The following TIMP2 variants were observed in gnomAD, a reference collection of about 807,000 sequenced individuals.
The protein encoded by TIMP2 is metalloproteinase inhibitor 2.
A neutral mutation model predicts 24.3 loss-of-function variants in TIMP2; 5 were observed. The observed-to-expected ratio is 0.21, with a 90% CI of 0.11 to 0.43. The LOEUF is 0.43. Ranked by LOEUF, TIMP2 falls within the 20% of genes least tolerant of loss-of-function variation. TIMP2 has a pLI of 1.00. For synonymous variants in TIMP2, 130 were observed against 123.2 expected (o/e 1.06, Z -0.37); for missense variants, 221 against 297.5 (o/e 0.74, Z 1.89).
rs1247107863 is a variant in TIMP2 at position 78,920,245 on chromosome 17, T to C, written c.130+4714A>G. 6.6e-6 allele frequency among the ~76,000 whole-genome samples: 1 copy of C among 152,128 alleles called. No homozygotes were observed. Among genetic ancestry groups the C allele is most frequent in the Non-Finnish European group, 1.5e-5 (1 of 68,010 alleles). On this transcript the variant is annotated intron_variant, in intron 1 of 4. Coordinates refer to ENST00000262768, the MANE Select transcript of TIMP2 (RefSeq NM_003255.5). This position sits in a 1 kb window ranked among gnomAD's most constrained non-coding sequence, Gnocchi z 4.5. ...GTCTGAACCTCTCAGCCCACACCAG[T>C]GGCATCTACCTAGCAACCTGGCTGC... is the stretch of plus-strand genomic sequence containing the variant.
chr17:78,906,544 G>A (rs2070160150), intron 1 of TIMP2, among the ~76,000 whole-genome samples: 1 of 151,996 alleles, frequency 6.6e-6, no homozygotes. Flanking sequence ...GAAGATTGGG[G>A]TTGGCTGTGG....
At chr17:78,886,142 G>T (rs1452845271) in intron 1 of TIMP2, among the ~76,000 whole-genome samples, 2 of 152,166 alleles carry the variant, frequency 1.3e-5, no homozygotes, top group African/African-American at 4.8e-5. Flanking sequence ...CCTGCTGCCA[G>T]GGGACAGTGC....
At position 78,918,072 on chromosome 17, in the gene TIMP2, A is replaced by ACGCG. The variant is rs756219381; in HGVS notation, c.130+6886_130+6887insCGCG. ...CGTACGCGTGCACACACAAACACAC[A>ACGCG]CACACACACACACACACACACACAC... On this transcript the variant is annotated intron_variant, in intron 1 of 4. Coordinates refer to ENST00000262768, the MANE Select transcript of TIMP2 (RefSeq NM_003255.5). 6.2e-3 allele frequency among the ~76,000 whole-genome samples: 656 copies of ACGCG among 106,152 alleles called. 4 individuals carry two copies. Among genetic ancestry groups the ACGCG allele is most frequent in the African/African-American group, 9.2e-3 (260 of 28,258 alleles). 69.6% of individuals were successfully genotyped at this position (106,152 alleles called of 152,430 possible). A position where few individuals can be genotyped will look rare whatever the true frequency, so the allele number is the denominator to read the frequency against.
At chr17:78,876,111 T>C (rs2069725722) in intron 1 of TIMP2, among the ~76,000 whole-genome samples, 1 of 152,020 alleles carries the variant, frequency 6.6e-6, no homozygotes, top group Non-Finnish European at 1.5e-5. Context: ...CTAACCATCC[T>C]CTCATCCACC....
chr17:78,889,938 T>G (rs921753878), intron 1 of TIMP2, among the ~76,000 whole-genome samples: 6 of 151,968 alleles, frequency 3.9e-5, no homozygotes, highest in African/African-American at 1.4e-4. Context: ...GCCAACATGG[T>G]GAAACCCTGT....
At chr17:78,863,247 A>AT (rs1441157609) in intron 3 of TIMP2, among the ~76,000 whole-genome samples, 3 of 151,618 alleles carry the variant, frequency 2.0e-5, no homozygotes, top group Middle Eastern at 3.4e-3. Context: ...TTTTTTATTT[A>AT]TTTTTTTTGG....
intron 1 of TIMP2, among the ~76,000 whole-genome samples, chr17:78,887,027 T>A (rs2069830894): frequency 6.6e-6 from 1 of 152,136 alleles, no homozygotes; most frequent in Non-Finnish European, 1.5e-5. Flanking sequence ...CAGCCTCGAA[T>A]TTCCTCTACT....
At chr17:78,918,388 C>G (rs767974098) in intron 1 of TIMP2, among the ~76,000 whole-genome samples, 1 of 152,130 alleles carries the variant, frequency 6.6e-6, no homozygotes, top group African/African-American at 2.4e-5. Flanking sequence ...ACAGCCACGT[C>G]CCAGCAAATG....
Position 78,855,997 on chromosome 17 carries a change from AC to A in TIMP2, c.466-134del, listed in dbSNP as rs2069522482. The A allele has an allele frequency of 1.1e-6, 1 of 914,632 alleles. No individual in the cohort carries two copies. Among genetic ancestry groups the A allele is most frequent in the Non-Finnish European group, 1.7e-6 (1 of 590,230 alleles). 56.7% of individuals were successfully genotyped at this position (914,632 alleles called of 1,614,324 possible). A position where few individuals can be genotyped will look rare whatever the true frequency, so the allele number is the denominator to read the frequency against. On this transcript the variant is annotated intron_variant, in intron 4 of 4. Transcript: ENST00000262768. This position sits in a 1 kb window ranked among gnomAD's most constrained non-coding sequence, Gnocchi z 6.0. ...TGCAGGGATGGCAGCCTCTCCCGAG[AC>A]CCACGGTTCCTGCAGGGGCAGGCAG...
At chr17:78,875,739 C>T (rs560093555) in intron 1 of TIMP2, among the ~76,000 whole-genome samples, 24 of 152,246 alleles carry the variant, frequency 1.6e-4, no homozygotes, top group South Asian at 6.2e-4. Context: ...CCCCACCCCA[C>T]GTGGTCGGCT....
intron 1 of TIMP2, among the ~76,000 whole-genome samples, chr17:78,917,008 C>A (rs964271068): frequency 6.6e-6 from 1 of 152,206 alleles, no homozygotes; most frequent in Non-Finnish European, 1.5e-5. Context: ...CGCATTCCTG[C>A]GCTCACTTCC....
At chr17:78,895,591 A>G (rs1415673531) in intron 1 of TIMP2, among the ~76,000 whole-genome samples, 5 of 152,174 alleles carry the variant, frequency 3.3e-5, no homozygotes, top group East Asian at 1.9e-4. Context: ...TAAAAAGGGA[A>G]ACACAGACTT....
At position 78,867,506 on chromosome 17, in the gene TIMP2, C is replaced by T. The variant is rs926327600; in HGVS notation, c.340+3392G>A. 2.0e-5 allele frequency among the ~76,000 whole-genome samples: 3 copies of T among 152,060 alleles called. No homozygotes were observed. In the East Asian group the frequency reaches 5.8e-4, roughly 29 times the overall value. ...TTCCTCCCTGCAATGACCTCCTCCC[C>T]ATCCATAGGCAAGGACACCACCTTC... On this transcript the variant is annotated intron_variant, in intron 3 of 4. Coordinates refer to ENST00000262768, the MANE Select transcript of TIMP2 (RefSeq NM_003255.5).
In TIMP2 at chr17:78,920,372, A is replaced by G. The variant is rs1332027342; in HGVS notation, c.130+4587T>C. On this transcript the variant is annotated intron_variant, in intron 1 of 4. Coordinates refer to ENST00000262768, the MANE Select transcript of TIMP2 (RefSeq NM_003255.5). The surrounding 1 kb of genome is among the most constrained non-coding windows in gnomAD (Gnocchi z 4.5). ...TCTGCACCCCCAGAAGGGTGCAAATAGGGGAGGCCCGAGAGGCTCTGAGGC... is the reference window on the plus strand; with the variant it reads ...TCTGCACCCCCAGAAGGGTGCAAATGGGGGAGGCCCGAGAGGCTCTGAGGC... Among the ~76,000 whole-genome samples the G allele has an allele frequency of 6.6e-6, 1 of 152,182 alleles. No individual in the cohort carries two copies. Among genetic ancestry groups the G allele is most frequent in the Non-Finnish European group, 1.5e-5 (1 of 68,030 alleles).
chr17:78,887,964 C>T (rs963944116), intron 1 of TIMP2, among the ~76,000 whole-genome samples: 3 of 151,956 alleles, frequency 2.0e-5, no homozygotes, highest in African/African-American at 7.3e-5. Flanking sequence ...GAGTAAGAGG[C>T]GTTTGTGTGA....
chr17:78,870,581 C>T (rs1013689676), intron 3 of TIMP2, among the ~76,000 whole-genome samples: 8 of 152,108 alleles, frequency 5.3e-5, no homozygotes, highest in Non-Finnish European at 7.4e-5. Flanking sequence ...GCTTTTGGCC[C>T]TCCCGACGGC....
intron 1 of TIMP2, chr17:78,890,651 T>C (rs2069873304): frequency 1.3e-6 from 2 of 1,550,118 alleles, no homozygotes; most frequent in African/African-American, 1.4e-5. Context: ...GCATATGTTC[T>C]GAAACTCCCG....
rs538203706 is a variant in TIMP2, at chr17:78,877,189, C to T, written c.131-3270G>A. ...CTCCCTGCCTAATCTATATACCTTA[C>T]GACAATGCTGCACCAAAAATGTTTA... On this transcript the variant is annotated intron_variant, in intron 1 of 4. Transcript: ENST00000262768. Among the ~76,000 whole-genome samples the T allele has an allele frequency of 1.2e-4, 19 of 152,330 alleles. No individual in the cohort carries two copies. In the South Asian group the frequency reaches 3.1e-3, roughly 25 times the overall value.
intron 3 of TIMP2, among the ~76,000 whole-genome samples, chr17:78,861,726 C>G (rs1203339754): frequency 6.6e-6 from 1 of 151,708 alleles, no homozygotes; most frequent in East Asian, 1.9e-4. Context: ...CTTAGCCTCC[C>G]AAAAAATTGG....
Sources: allele counts gnomAD v4.1 joint callset (sites outside exome capture counted in the v4.1 genomes callset), GRCh38; gene constraint gnomAD v4.1.1; non-coding constraint Gnocchi (gnomAD v3.1); transcripts MANE v1.5; gene names NCBI Gene and HGNC (gene_info 2026-07-23, HGNC 2026-07-21).